The following TAB2 variants were observed in gnomAD, a reference collection of about 807,000 sequenced individuals.
The protein encoded by TAB2 is TGF-beta activated kinase 1 (MAP3K7) binding protein 2, also known as TGF-beta-activated kinase 1 and MAP3K7-binding protein 2.
Under a neutral mutation model 65.0 loss-of-function variants are expected in TAB2, and 3 were observed. The ratio of observed to expected loss-of-function variants is 0.05; its 90% CI spans 0.02 to 0.12. The LOEUF (loss-of-function observed/expected upper bound fraction) is 0.12. Among genes scored for constraint, TAB2 ranks in the 10% least tolerant of loss-of-function variants. The probability of loss-of-function intolerance (pLI) is 1.00; values close to 1 mark genes in which losing one functional copy is unlikely to be tolerated. For synonymous variants in TAB2, 298 were observed against 285.1 expected (o/e 1.05, Z -0.46); for missense variants, 623 against 840.3 (o/e 0.74, Z 3.20).
At chr6:149,221,618 G>A (rs751038924) in intron 1 of TAB2, among the ~76,000 whole-genome samples, 54 of 152,200 alleles carry the variant, frequency 3.5e-4, no homozygotes, top group Non-Finnish European at 7.3e-4. Context: ...CCTTCTCACA[G>A]TGAAACACTT....
intron 1 of TAB2, among the ~76,000 whole-genome samples, chr6:149,248,116 G>T (rs939899438): frequency 1.6e-4 from 24 of 152,186 alleles, no homozygotes; most frequent in Non-Finnish European, 2.9e-5. Context: ...CTAAGGTCAG[G>T]CATGGTGGCA....
chr6:149,403,273 TATATATATATACACACACACAC>T (rs1782523499), intron 6 of TAB2, among the ~76,000 whole-genome samples: 2 of 69,636 alleles, frequency 2.9e-5, no homozygotes, highest in Non-Finnish European at 5.2e-5. Context: ...TATATATATA[TATATATATATACACACACACAC>T]ATATATATAT....
intron 1 of TAB2, among the ~76,000 whole-genome samples, chr6:149,251,305 C>CATAAGTCTCTG (rs1411616739): frequency 6.6e-6 from 1 of 152,098 alleles, no homozygotes; most frequent in East Asian, 1.9e-4. Context: ...CCTTCCTTTT[C>CATAAGTCTCTG]ATAAGTCTCT....
chr6:149,352,543 C>T (rs1395801549), intron 1 of TAB2, among the ~76,000 whole-genome samples: 10 of 152,114 alleles, frequency 6.6e-5, no homozygotes, highest in Non-Finnish European at 1.5e-4. Flanking sequence ...ATTCCACACC[C>T]CTTTCCATCT....
rs778576422 is a variant in TAB2, at chr6:149,379,239, G to A, written c.1324G>A (p.Ala442Thr). 6 of 1,614,168 alleles carry A rather than the reference G, an allele frequency of 3.7e-6. No homozygotes were observed. The highest frequency in any genetic ancestry group is 5.1e-6 in the Non-Finnish European group (6 of 1,180,044). The change falls in exon 3 of 7, where the codon GCA becomes ACA. Residue 442 changes from alanine (A) to threonine (T), a missense_variant. By Grantham distance (58) the Ala-to-Thr change is moderately conservative. Transcript: ENST00000637181. Reference sequence around the variant, plus strand: ...TCATCACCATCCTCCCAAAAGTCGAGCAATAGGCAATAACTCTGCAACCTC... The same window carrying A: ...TCATCACCATCCTCCCAAAAGTCGAACAATAGGCAATAACTCTGCAACCTC... ...FIHHHPPKSR[A>T]IGNNSATSPR...
intron 1 of TAB2, among the ~76,000 whole-genome samples, chr6:149,358,721 CTT>C (rs1032733563): frequency 5.4e-5 from 8 of 147,244 alleles, no homozygotes; most frequent in Non-Finnish European, 7.5e-5. Flanking sequence ...ACCATTATCT[CTT>C]TGAATTTTGC....
At chr6:149,355,688 T>C (rs1484925837) in intron 1 of TAB2, among the ~76,000 whole-genome samples, 4 of 150,834 alleles carry the variant, frequency 2.7e-5, no homozygotes, top group Admixed American at 1.3e-4. Flanking sequence ...AAAAAAACTA[T>C]GTTAAACTTA....
At chr6:149,261,336 A>T (rs1335585824) in intron 1 of TAB2, among the ~76,000 whole-genome samples, 2 of 152,196 alleles carry the variant, frequency 1.3e-5, no homozygotes, top group Admixed American at 1.3e-4. Flanking sequence ...TTTAATTATC[A>T]TGTTGAAGAG....
intron 1 of TAB2, among the ~76,000 whole-genome samples, chr6:149,237,733 G>C (rs887733391): frequency 2.6e-5 from 4 of 152,084 alleles, no homozygotes. Flanking sequence ...CATCACTTTT[G>C]ACAGCCAGTC....
chr6:149,306,317 G>A (rs952034852), intron 1 of TAB2, among the ~76,000 whole-genome samples: 4 of 152,068 alleles, frequency 2.6e-5, no homozygotes, highest in African/African-American at 9.7e-5. Flanking sequence ...GAGGTGGGCT[G>A]ATCACAAGGT....
At chr6:149,328,573 C>G (rs1290477552) in intron 1 of TAB2, among the ~76,000 whole-genome samples, 1 of 152,082 alleles carries the variant, frequency 6.6e-6, no homozygotes, top group Non-Finnish European at 1.5e-5. Context: ...ATTACAGGCA[C>G]GAGCCACCGC....
intron 1 of TAB2, among the ~76,000 whole-genome samples, chr6:149,269,969 T>G (rs1778329669): frequency 6.6e-6 from 1 of 152,176 alleles, no homozygotes; most frequent in African/African-American, 2.4e-5. Flanking sequence ...AGGAAAGAAA[T>G]TGCTGGGTCC....
intron 1 of TAB2, among the ~76,000 whole-genome samples, chr6:149,227,670 T>C (rs1258742207): frequency 6.6e-6 from 1 of 152,212 alleles, no homozygotes; most frequent in Non-Finnish European, 1.5e-5. Flanking sequence ...GAGGAATCTT[T>C]TCTGGACCTT....
intron 1 of TAB2, among the ~76,000 whole-genome samples, chr6:149,241,270 T>G (rs958495168): frequency 1.1e-4 from 16 of 152,196 alleles, no homozygotes; most frequent in African/African-American, 2.9e-4. Context: ...ACAATAGATT[T>G]TGGGCTCAGT....
chr6:149,275,125 GT>G (rs370658789), intron 1 of TAB2, among the ~76,000 whole-genome samples: 48 of 67,838 alleles, frequency 7.1e-4, no homozygotes, highest in South Asian at 3.7e-3. Context: ...CTCTTCTTCT[GT>G]TTTTTTTTTT....
chr6:149,349,197 G>T (rs1029414221), intron 1 of TAB2, among the ~76,000 whole-genome samples: 9 of 151,782 alleles, frequency 5.9e-5, no homozygotes, highest in African/African-American at 2.2e-4. Flanking sequence ...GAGGCGGGTT[G>T]ATCACAAGGC....
chr6:149,375,365 G>T (rs1284016280), intron 2 of TAB2, among the ~76,000 whole-genome samples: 1 of 151,960 alleles, frequency 6.6e-6, no homozygotes, highest in Non-Finnish European at 1.5e-5. Context: ...TTTATGTTTT[G>T]CTATTAAGAA....
In TAB2 at chr6:149,344,216, AC is replaced by A. The variant is rs1231491529; in HGVS notation, c.-89-25692del. The stretch of plus-strand genomic sequence containing the variant: ...TGAAGTAGAAATTGAAGAAGGAATT[AC>A]ATATGAATATCAAGTCTTAGTTATT... On this transcript the variant is annotated intron_variant, in intron 1 of 6. Transcript: ENST00000637181. 1.1e-4 allele frequency among the ~76,000 whole-genome samples: 17 copies of A among 152,370 alleles called. No individual in the cohort carries two copies. The South Asian group carries it at 3.3e-3, about 30-fold the overall frequency.
rs182792179 is a variant in TAB2, at chr6:149,259,783, G to A, written c.-121+41007G>A. 9.7e-4 allele frequency among the ~76,000 whole-genome samples: 147 copies of A among 152,308 alleles called. 1 individual carries two copies. Among genetic ancestry groups the A allele is most frequent in the Admixed American group, 9.5e-3 (146 of 15,292 alleles). ...GCCACATTTTACAGATGAGGAATAA[G>A]AGACATGATACAAGTGGCCCAAAGC... On this transcript the variant is annotated intron_variant, in intron 1 of 1. Coordinates refer to the TAB2 transcript ENST00000606202.
Sources: gnomAD v4.1 joint callset for allele counts (sites outside exome capture counted in the v4.1 genomes callset) on GRCh38, gnomAD v4.1.1 for gene constraint, MANE v1.5 for transcripts, NCBI Gene and HGNC (gene_info 2026-07-23, HGNC 2026-07-21) for gene names.